Variants in ITGB4 observed in about 807,000 individuals in gnomAD.
ITGB4 encodes the protein integrin subunit beta 4.
A neutral mutation model predicts 207.6 loss-of-function variants in ITGB4; 159 were observed. That is an observed-to-expected ratio of 0.77 (90% confidence interval 0.67 to 0.87). The LOEUF (loss-of-function observed/expected upper bound fraction) is 0.87, where lower values mean the gene tolerates loss of function less well. Ranked by LOEUF, ITGB4 falls within the 40% of genes least tolerant of loss-of-function variation. ITGB4 has a pLI of 0.00. For missense variants in ITGB4, 2,278 were observed against 2,546.8 expected, an observed-to-expected ratio of 0.89 and a Z score of 2.27; for synonymous variants, 1,020 against 1,062.7, an observed-to-expected ratio of 0.96 and a Z score of 0.78.
chr17:75,742,721 C>T lies in ITGB4; in HGVS notation c.2922C>T (p.Leu974=), dbSNP rs139130590. 1,488 of 1,612,948 alleles carry T rather than the reference C, an allele frequency of 9.2e-4. 5 individuals are homozygous for T. The highest frequency in any genetic ancestry group is 1.1e-3 in the Non-Finnish European group (1,306 of 1,180,022). ...ACGTGCCCGCAGGCACTGCCACCCT[C>T]GGCCGCCGCCTGGTAAACATCACCA... ...AIDVPAGTAT[L]GRRLVNITII... The change falls in exon 25 of 40, where the codon CTC becomes CTT. Residue 974 remains leucine (L), a synonymous_variant. Coordinates refer to ENST00000200181, the MANE Select transcript of ITGB4 (RefSeq NM_000213.5). The surrounding 1 kb of genome is among the most constrained non-coding windows in gnomAD (Gnocchi z 5.9).
intron 23 of ITGB4, 161 bp downstream of exon 23, chr17:75,741,166 C>A: frequency 1.2e-6 from 1 of 827,480 alleles, no homozygotes; most frequent in Non-Finnish European, 2.0e-6. Context: ...TTGACCATTT[C>A]TTCAACAAAT....
rs913391450 is a variant in ITGB4, at chr17:75,731,590, G to T, written c.1215+222G>T. ...GGAGGCTTGCTGGGGCAGTAAATGG[G>T]TTAGTGTCACGAAGCCCAGAGGCCC... On this transcript the variant is annotated intron_variant, in intron 10 of 39. Transcript: ENST00000200181. This position sits in a 1 kb window ranked among gnomAD's most constrained non-coding sequence, Gnocchi z 6.8. 2.0e-5 allele frequency among the ~76,000 whole-genome samples: 3 copies of T among 152,192 alleles called. No homozygotes were observed. The highest frequency in any genetic ancestry group is 2.9e-5 in the Non-Finnish European group (2 of 68,032).
Position 75,740,804 on chromosome 17 carries a change from C to T in ITGB4, c.2562C>T (p.Val854=), listed in dbSNP as rs911260160. The change falls in exon 22 of 40, where the codon GTC becomes GTT. Residue 854 remains valine (V), a synonymous_variant. Coordinates refer to ENST00000200181, the MANE Select transcript of ITGB4 (RefSeq NM_000213.5). The surrounding 1 kb of genome is among the most constrained non-coding windows in gnomAD (Gnocchi z 5.9). ...CCCTTGCCTGGCAGCTGAACGAGGT[C>T]TACAGGCAGATCTCCGGTGTACACA... ...RQEVEENLNE[V]YRQISGVHKL... 1.2e-6 allele frequency: 2 copies of T among 1,613,330 alleles called. No homozygotes were observed. Among genetic ancestry groups the T allele is most frequent in the African/African-American group, 2.7e-5 (2 of 75,028 alleles).
chr17:75,756,699 C>T lies in ITGB4; in HGVS notation c.4898-5C>T, dbSNP rs2061514243. On this transcript the variant is annotated splice_polypyrimidine_tract_variant and splice_region_variant and intron_variant, in intron 36 of 39. Coordinates refer to ENST00000200181, the MANE Select transcript of ITGB4 (RefSeq NM_000213.5). ...AGGCTGATGCTCTTCCTCTACTGCCCCCAGGCTCCGCCTTCACTTTGAGCA... is the reference window on the plus strand; with the variant it reads ...AGGCTGATGCTCTTCCTCTACTGCCTCCAGGCTCCGCCTTCACTTTGAGCA... The T allele has an allele frequency of 3.7e-6, 6 of 1,613,488 alleles. No individual in the cohort carries two copies. The highest frequency in any genetic ancestry group is 1.7e-5 in the Admixed American group (1 of 60,032).
intron 32 of ITGB4, among the ~76,000 whole-genome samples, chr17:75,752,893 C>G (rs770124139): frequency 3.3e-5 from 5 of 152,164 alleles, no homozygotes; most frequent in Admixed American, 6.5e-5. Flanking sequence ...AGGGGCAGGC[C>G]TGGCCCAGGA....
At chr17:75,749,837 T>C (rs186486105) in intron 27 of ITGB4, among the ~76,000 whole-genome samples, 82 of 152,158 alleles carry the variant, frequency 5.4e-4, no homozygotes, top group Non-Finnish European at 1.1e-3. Context: ...AATGTTCTCA[T>C]GTGGAATGTT....
intron 32 of ITGB4, 57 bp downstream of exon 32, chr17:75,752,634 G>C: frequency 6.2e-7 from 1 of 1,605,552 alleles, no homozygotes; most frequent in South Asian, 1.1e-5. Flanking sequence ...TACAGAGTGA[G>C]TCCACTGGGT....
chr17:75,738,376 TC>T (rs2148507401), intron 18 of ITGB4, among the ~76,000 whole-genome samples: 1 of 152,330 alleles, frequency 6.6e-6, no homozygotes, highest in East Asian at 1.9e-4. Context: ...CCACAGCATG[TC>T]CACGTGACTC....
intron 18 of ITGB4, among the ~76,000 whole-genome samples, chr17:75,738,904 A>C (rs2061043075): frequency 6.6e-6 from 1 of 151,980 alleles, no homozygotes; most frequent in Non-Finnish European, 1.5e-5. Flanking sequence ...CGAGTCTGGG[A>C]GTTTGAGGCT....
chr17:75,746,298 T>C (rs2143244831), intron 26 of ITGB4: 2 of 151,580 alleles, frequency 1.3e-5, no homozygotes, highest in Middle Eastern at 6.9e-3. Flanking sequence ...GCTGGCGCGA[T>C]CTCAGCTTAC....
At position 75,742,774 on chromosome 17, in the gene ITGB4, G is replaced by T. The variant is rs56331778; in HGVS notation, c.2962+13G>T. On this transcript the variant is annotated intron_variant, in intron 25 of 39. Transcript: ENST00000200181. This position sits in a 1 kb window ranked among gnomAD's most constrained non-coding sequence, Gnocchi z 5.9. ...ATCAAGGAGCAAGGTGGGTCTGGGTGGGGAGAGTGGGGAAGGCAGACGGGG... is the reference window on the plus strand; with the variant it reads ...ATCAAGGAGCAAGGTGGGTCTGGGTTGGGAGAGTGGGGAAGGCAGACGGGG... The T allele has an allele frequency of 4.4e-6, 7 of 1,602,062 alleles. No homozygotes were observed. The East Asian group carries it at 1.3e-4, about 31-fold the overall frequency.
In ITGB4 at chr17:75,724,756, T is replaced by A. The variant is rs1269355588; in HGVS notation, c.53T>A (p.Ile18Asn). Residue 18 changes from isoleucine to asparagine, a missense_variant, in exon 2 of 40, where the codon ATC (isoleucine) becomes AAC (asparagine). Physicochemically the swap from Ile to Asn is moderately radical, Grantham distance 149. Coordinates refer to ENST00000200181, the MANE Select transcript of ITGB4 (RefSeq NM_000213.5). ...GCCAGGCTGCTCCTGGCAGCCTTGA[T>A]CAGCGTCAGCCTCTCTGGGACCTTG... The part of the protein sequence containing the change: ...PWARLLLAAL[I>N]SVSLSGTLAN... 2.5e-6 allele frequency: 4 copies of A among 1,613,800 alleles called. No homozygotes were observed.
intron 26 of ITGB4, among the ~76,000 whole-genome samples, chr17:75,745,214 G>T (rs2061206788): frequency 6.6e-6 from 1 of 152,028 alleles, no homozygotes; most frequent in Non-Finnish European, 1.5e-5. Flanking sequence ...GCAACGTGGT[G>T]AGACCATGTC....
At chr17:75,754,854 CT>C in intron 34 of ITGB4, 39 bp downstream of exon 34, 1 of 1,613,498 alleles carries the variant, frequency 6.2e-7, no homozygotes, top group Non-Finnish European at 8.5e-7. Flanking sequence ...CCCACTAACC[CT>C]TCCTCTCTTC....
At chr17:75,749,515 A>G (rs2061316996) in intron 27 of ITGB4, among the ~76,000 whole-genome samples, 1 of 152,244 alleles carries the variant, frequency 6.6e-6, no homozygotes, top group East Asian at 1.9e-4. Flanking sequence ...CCATGGAATG[A>G]GATCCTGTCC....
Position 75,756,491 on chromosome 17 carries a change from C to T in ITGB4, c.4771C>T (p.Leu1591=), listed in dbSNP as rs766628890. Residue 1591 remains leucine (L), a synonymous_variant, in exon 36 of 40, where the codon CTG becomes TTG. Coordinates refer to ENST00000200181, the MANE Select transcript of ITGB4 (RefSeq NM_000213.5). ...GACCTCGGTGGTGGTGGAAGACCTC[C>T]TGCCCAACCACTCCTACGTGTTCCG... ...AQTSVVVEDL[L]PNHSYVFRVR... 1.2e-6 allele frequency: 2 copies of T among 1,613,292 alleles called. No homozygotes were observed. The highest frequency in any genetic ancestry group is 1.7e-6 in the Non-Finnish European group (2 of 1,179,992).
chr17:75,754,523 G>A (rs1353997419), intron 33 of ITGB4, 53 bp from the exon 34 acceptor site: 52 of 1,610,648 alleles, frequency 3.2e-5, no homozygotes, highest in Middle Eastern at 1.7e-4. Flanking sequence ...CCTGCCCCAC[G>A]GGGCCCGGGT....
chr17:75,730,518 G>T lies in ITGB4; in HGVS notation c.1002+14G>T. The T allele has an allele frequency of 6.2e-7, 1 of 1,613,330 alleles. No homozygotes were observed. Among genetic ancestry groups the T allele is most frequent in the Non-Finnish European group, 8.5e-7 (1 of 1,179,984 alleles). On this transcript the variant is annotated intron_variant, in intron 8 of 39. Transcript: ENST00000200181. ...AGCTACTACGAGGTGCGGGGCCCAG[G>T]TCCCACGGGTGGGAGGTGGTCAAGG...
chr17:75,743,895 C>CG, intron 26 of ITGB4, 34 bp downstream of exon 26: 2 of 1,549,290 alleles, frequency 1.3e-6, no homozygotes. Flanking sequence ...GGGTGCAGCC[C>CG]GGGGGGCTGC....
Sources: allele counts gnomAD v4.1 joint callset (sites outside exome capture counted in the v4.1 genomes callset), GRCh38; gene constraint gnomAD v4.1.1; non-coding constraint Gnocchi (gnomAD v3.1); transcripts MANE v1.5; gene names NCBI Gene and HGNC (gene_info 2026-07-23, HGNC 2026-07-21).